REL: variants seen among roughly 807,000 people sequenced by gnomAD.
REL encodes the protein proto-oncogene c-Rel.
A neutral mutation model predicts 45.9 loss-of-function variants in REL; 15 were observed. That is an observed-to-expected ratio of 0.33 (90% CI 0.22 to 0.50). The LOEUF (loss-of-function observed/expected upper bound fraction) is 0.50. Ranked by LOEUF, REL falls within the 20% of genes least tolerant of loss-of-function variation. The pLI, the probability that REL is intolerant of heterozygous loss-of-function variation, is 0.98. For synonymous variants in REL, 239 were observed against 242.1 expected (o/e 0.99, Z 0.12); for missense variants, 601 against 715.2 (o/e 0.84, Z 1.82).
chr2:60,893,611 A>G (rs1182193626), intron 2 of REL, among the ~76,000 whole-genome samples: 2 of 152,146 alleles, frequency 1.3e-5, no homozygotes, highest in Non-Finnish European at 1.5e-5. Flanking sequence ...CTTCTCTTTC[A>G]TACAGAAAGA....
rs1338665490 is a variant in REL, at chr2:60,921,900, TCTTCAAG to T, written c.1132_1138del (p.Ser378GlyfsTer17). On this transcript the variant is annotated frameshift_variant, in exon 10 of 10. Coordinates refer to ENST00000394479, the MANE Select transcript of REL (RefSeq NM_001291746.2). LOFTEE classifies it high-confidence loss of function. ...TCATGCCTCAATGGCACCTCTGCCT[TCTTCAAG>T]CTGGTCATCAGTGGCCCACCCCACC... 6.2e-7 allele frequency: 1 copy of T among 1,614,140 alleles called. No individual in the cohort carries two copies. The highest frequency in any genetic ancestry group is 1.3e-5 in the African/African-American group (1 of 75,030).
chr2:60,896,359 A>G (rs904907993), intron 3 of REL, among the ~76,000 whole-genome samples: 1 of 152,198 alleles, frequency 6.6e-6, no homozygotes, highest in Non-Finnish European at 1.5e-5. Flanking sequence ...ATTTTTGTTT[A>G]AGATAAATTT....
At chr2:60,907,790 A>T (rs1224357742) in intron 4 of REL, among the ~76,000 whole-genome samples, 1 of 150,884 alleles carries the variant, frequency 6.6e-6, no homozygotes, top group Non-Finnish European at 1.5e-5. Flanking sequence ...TCCCAGGTTC[A>T]CACCATTCTC....
chr2:60,908,879 G>C (rs1001981032), intron 4 of REL, among the ~76,000 whole-genome samples: 2 of 152,134 alleles, frequency 1.3e-5, no homozygotes, highest in Admixed American at 1.3e-4. Context: ...GTCTGAAAGG[G>C]AATACAGTTT....
In REL at chr2:60,917,715, TAC is replaced by T. The variant is rs753805315; in HGVS notation, c.536-475_536-474del. Among the ~76,000 whole-genome samples the T allele has an allele frequency of 3.0e-3, 382 of 127,276 alleles. 1 individual carries two copies. Among genetic ancestry groups the T allele is most frequent in the Admixed American group, 5.1e-3 (64 of 12,640 alleles). The allele number at this position is 127,276 out of a possible 152,430, so 83.5% of individuals were successfully genotyped here. A position where few individuals can be genotyped will look rare whatever the true frequency, so the allele number is the denominator to read the frequency against. On this transcript the variant is annotated intron_variant, in intron 5 of 9. Coordinates refer to ENST00000394479, the MANE Select transcript of REL (RefSeq NM_001291746.2). ...GTGTGTGTGTGTGTGTGTGTGTGTGTACGTGTGTGTGTGTGTACATAGACTTA... is the reference window on the plus strand; with the variant it reads ...GTGTGTGTGTGTGTGTGTGTGTGTGTGTGTGTGTGTGTGTACATAGACTTA...
rs1402707131 is a variant in REL at position 60,927,812 on chromosome 2, A to G, written c.*5277A>G. ...TTTTATGTATGTTAACACCCATGTC[A>G]CCACCATGTTTAGGACATTTCCAGC... is the stretch of plus-strand genomic sequence containing the variant. On this transcript the variant is annotated 3_prime_UTR_variant, in exon 10 of 10. Transcript: ENST00000394479. 1 of 227,796 alleles carries G rather than the reference A, an allele frequency of 4.4e-6. No homozygotes were observed. Among genetic ancestry groups the G allele is most frequent in the African/African-American group, 2.2e-5 (1 of 45,024 alleles). The allele number at this position is 227,796 out of a possible 1,614,324, so 14.1% of individuals were successfully genotyped here.
At chr2:60,900,242 T>C (rs1306222938) in intron 3 of REL, 1 of 152,260 alleles carries the variant, frequency 6.6e-6, no homozygotes, top group Non-Finnish European at 1.5e-5. Flanking sequence ...TGCAGATTTT[T>C]AAAAATATAG....
intron 3 of REL, among the ~76,000 whole-genome samples, chr2:60,898,300 G>A (rs553840737): frequency 1.6e-4 from 25 of 152,306 alleles, no homozygotes; most frequent in African/African-American, 6.0e-4. Flanking sequence ...TTGGAATAAA[G>A]ACAGCATTCC....
intron 1 of REL, among the ~76,000 whole-genome samples, chr2:60,883,383 A>T (rs1672997048): frequency 6.6e-6 from 1 of 152,240 alleles, no homozygotes; most frequent in African/African-American, 2.4e-5. Flanking sequence ...GAGAATACTA[A>T]GTGTAGTTTA....
Position 60,922,300 on chromosome 2 carries a change from C to A in REL, c.1529C>A (p.Ser510Tyr). The A allele has an allele frequency of 6.2e-7, 1 of 1,614,122 alleles. No individual in the cohort carries two copies. Among genetic ancestry groups the A allele is most frequent in the Non-Finnish European group, 8.5e-7 (1 of 1,180,006 alleles). ...DLRQLHQMSS[S>Y]SMSAGANSNT... ...AGACAGCTCCATCAGATGTCCTCTT[C>A]CAGTATGTCAGCAGGCGCCAATTCC... is the stretch of plus-strand genomic sequence containing the variant. The change falls in exon 10 of 10, where the codon TCC becomes TAC. Residue 510 changes from serine (S) to tyrosine (Y), a missense_variant. Coordinates refer to ENST00000394479, the MANE Select transcript of REL (RefSeq NM_001291746.2).
At chr2:60,899,407 C>G (rs1475877535) in intron 3 of REL, 5 of 152,294 alleles carry the variant, frequency 3.3e-5, no homozygotes, top group Admixed American at 1.3e-4. Flanking sequence ...TCACCCGAGC[C>G]TGGGAGGCAG....
At chr2:60,888,834 A>G (rs1167258807) in intron 1 of REL, among the ~76,000 whole-genome samples, 1 of 152,334 alleles carries the variant, frequency 6.6e-6, no homozygotes, top group African/African-American at 2.4e-5. Context: ...CCTACTGTTC[A>G]GGCACCAGGT....
intron 1 of REL, among the ~76,000 whole-genome samples, chr2:60,886,819 T>C (rs1329544651): frequency 6.6e-6 from 1 of 152,192 alleles, no homozygotes; most frequent in African/African-American, 2.4e-5. Flanking sequence ...CTTTCTTGCC[T>C]AAGCGCAAAT....
intron 4 of REL, among the ~76,000 whole-genome samples, chr2:60,911,821 A>G (rs1408272282): frequency 6.6e-6 from 1 of 151,914 alleles, no homozygotes; most frequent in African/African-American, 2.4e-5. Context: ...CAAGATGATG[A>G]AACCCCATCT....
At chr2:60,883,534 A>G (rs1009296291) in intron 1 of REL, among the ~76,000 whole-genome samples, 5 of 152,236 alleles carry the variant, frequency 3.3e-5, no homozygotes, top group Admixed American at 1.3e-4. Context: ...GTTATCAGAA[A>G]GATTTTGTTT....
chr2:60,907,697 CTTT>C (rs869140724), intron 4 of REL, among the ~76,000 whole-genome samples: 3 of 139,866 alleles, frequency 2.1e-5, no homozygotes, highest in Non-Finnish European at 1.6e-5. Flanking sequence ...TTGTACTTTT[CTTT>C]TTTTTTTTTT....
At chr2:60,911,943 A>G (rs1423084033) in intron 4 of REL, among the ~76,000 whole-genome samples, 2 of 142,636 alleles carry the variant, frequency 1.4e-5, no homozygotes, top group African/African-American at 5.2e-5. Flanking sequence ...GGTTGCAGTG[A>G]GCTGAGATCG....
rs1470428217 is a variant in REL, at chr2:60,928,688, G to A, written c.*6153G>A. On this transcript the variant is annotated 3_prime_UTR_variant, in exon 10 of 10. Coordinates refer to ENST00000394479, the MANE Select transcript of REL (RefSeq NM_001291746.2). ...AAAAATCAATTCAAGATGGATTAAA[G>A]ACTTAAACGTTAGACCTAAAACCAT... The A allele has an allele frequency of 7.7e-5, 10 of 129,616 alleles. No homozygotes were observed. The highest frequency in any genetic ancestry group is 2.6e-4 in the African/African-American group (9 of 35,054). The allele number at this position is 129,616 out of a possible 1,614,324, so 8.0% of individuals were successfully genotyped here.
At position 60,922,222 on chromosome 2, in the gene REL, G is replaced by T; in HGVS notation, c.1451G>T (p.Ser484Ile). ...MGETDNPRLL[S>I]MNLENPSCNS... ...GAGACTGATAATCCAAGACTTCTGA[G>T]CATGAATCTTGAAAACCCCTCATGT... is the stretch of plus-strand genomic sequence containing the variant. The change falls in exon 10 of 10, where the codon AGC becomes ATC. Residue 484 changes from serine (S) to isoleucine (I), a missense_variant. Ser to Ile is a moderately radical substitution (Grantham distance 142). Around this residue, in one of 4 missense-constraint regions of REL, gnomAD observed 334 missense variants for 333.1 expected, o/e 1.00. Coordinates refer to ENST00000394479, the MANE Select transcript of REL (RefSeq NM_001291746.2). 1 of 1,614,168 alleles carries T rather than the reference G, an allele frequency of 6.2e-7. No individual in the cohort carries two copies. The highest frequency in any genetic ancestry group is 8.5e-7 in the Non-Finnish European group (1 of 1,180,028).
Sources: gnomAD v4.1 joint callset for allele counts (sites outside exome capture counted in the v4.1 genomes callset) on GRCh38, gnomAD v4.1.1 for gene constraint, gnomAD v4.1.1 regional missense constraint, MANE v1.5 for transcripts, NCBI Gene and HGNC (gene_info 2026-07-23, HGNC 2026-07-21) for gene names.